Variants in MARCHF11 observed in about 807,000 individuals in gnomAD.
MARCHF11 encodes membrane associated ring-CH-type finger 11.
In MARCHF11, 29 loss-of-function variants were observed where a neutral mutation model predicts 37.3. That is an observed-to-expected ratio of 0.78 (90% CI 0.58 to 1.06). MARCHF11 has a LOEUF of 1.06. Among genes scored for constraint, MARCHF11 ranks in the 50% least tolerant of loss-of-function variants. The pLI is 0.00. For missense variants in MARCHF11, 482 were observed against 533.4 expected, an observed-to-expected ratio of 0.90 and a Z score of 0.95; for synonymous variants, 233 against 228.0, an observed-to-expected ratio of 1.02 and a Z score of -0.20.
intron 3 of MARCHF11, among the ~76,000 whole-genome samples, chr5:16,083,273 C>T (rs1736643021): frequency 6.6e-6 from 1 of 152,124 alleles, no homozygotes; most frequent in Non-Finnish European, 1.5e-5. Flanking sequence ...TGGCTCTCCA[C>T]AGGGAGACCA....
intron 2 of MARCHF11, among the ~76,000 whole-genome samples, chr5:16,166,667 T>A (rs1738174182): frequency 6.6e-6 from 1 of 152,042 alleles, no homozygotes. Flanking sequence ...ATCATTTATA[T>A]AGAAATGGTT....
chr5:16,116,033 T>C (rs1021053382), intron 2 of MARCHF11, among the ~76,000 whole-genome samples: 1 of 152,208 alleles, frequency 6.6e-6, no homozygotes, highest in South Asian at 2.1e-4. Flanking sequence ...AGCAGTGAGA[T>C]GGCAAACGTT....
intron 2 of MARCHF11, among the ~76,000 whole-genome samples, chr5:16,104,583 A>G (rs1024039575): frequency 2.6e-5 from 4 of 152,120 alleles, no homozygotes; most frequent in Admixed American, 1.3e-4. Flanking sequence ...TGTTATCTTC[A>G]ATCGTAAAAT....
intron 3 of MARCHF11, among the ~76,000 whole-genome samples, chr5:16,090,229 T>C (rs1727880642): frequency 6.6e-6 from 1 of 152,178 alleles, no homozygotes; most frequent in Non-Finnish European, 1.5e-5. Context: ...TGCTGCATGA[T>C]TGGCTTCCGT....
At chr5:16,090,476 A>G (rs1022205768) in intron 3 of MARCHF11, among the ~76,000 whole-genome samples, 1 of 152,146 alleles carries the variant, frequency 6.6e-6, no homozygotes, top group Admixed American at 6.5e-5. Context: ...TAAGACATCG[A>G]GATGTCTGTC....
At chr5:16,099,890 G>A (rs946579767) in intron 2 of MARCHF11, among the ~76,000 whole-genome samples, 3 of 152,118 alleles carry the variant, frequency 2.0e-5, no homozygotes, top group Non-Finnish European at 4.4e-5. Context: ...GCAGAGAGGT[G>A]GGTGGGAAGC....
At chr5:16,118,364 T>G (rs1237349425) in intron 2 of MARCHF11, among the ~76,000 whole-genome samples, 1 of 151,924 alleles carries the variant, frequency 6.6e-6, no homozygotes, top group Admixed American at 6.6e-5. Context: ...AAGGGGGAAG[T>G]AGAGAATCCA....
At chr5:16,156,343 A>G (rs1737977401) in intron 2 of MARCHF11, among the ~76,000 whole-genome samples, 1 of 151,920 alleles carries the variant, frequency 6.6e-6, no homozygotes, top group African/African-American at 2.4e-5. Context: ...ACTACTTTTC[A>G]TATCACAGAA....
intron 2 of MARCHF11, among the ~76,000 whole-genome samples, chr5:16,124,249 C>T (rs1201857585): frequency 6.6e-6 from 1 of 152,076 alleles, no homozygotes; most frequent in African/African-American, 2.4e-5. Context: ...TACCTAGAAC[C>T]TAAGGGTTCT....
At chr5:16,088,153 T>C (rs7736562) in intron 3 of MARCHF11, among the ~76,000 whole-genome samples, 45,154 of 151,892 alleles carry the variant, frequency 0.3, 7,963 homozygotes, top group East Asian at 0.58. Flanking sequence ...TGCTTGGCTA[T>C]TGCTTCCCCA....
Position 16,113,015 on chromosome 5 carries a change from C to T in MARCHF11, c.694-21934G>A, listed in dbSNP as rs1267563233. ...AATTACCCAGTCTCAGGTATGTCTT[C>T]ATCAGGAGTGTGAAAACAGACTAAT... is the stretch of plus-strand genomic sequence containing the variant. On this transcript the variant is annotated intron_variant, in intron 2 of 3. Transcript: ENST00000332432. Among the ~76,000 whole-genome samples, 7 of 152,112 alleles carry T rather than the reference C, an allele frequency of 4.6e-5. 1 individual carries two copies. Among genetic ancestry groups the T allele is most frequent in the Admixed American group, 4.6e-4 (7 of 15,284 alleles).
chr5:16,156,132 A>G (rs1221198926), intron 2 of MARCHF11, among the ~76,000 whole-genome samples: 2 of 151,964 alleles, frequency 1.3e-5, no homozygotes, highest in Non-Finnish European at 2.9e-5. Context: ...AATTCTTTGT[A>G]CTGAGTTCTG....
intron 2 of MARCHF11, among the ~76,000 whole-genome samples, chr5:16,157,544 A>G (rs1388408742): frequency 6.6e-6 from 1 of 151,632 alleles, no homozygotes; most frequent in African/African-American, 2.4e-5. Context: ...TACGTCCATG[A>G]TTAACTGGTT....
intron 3 of MARCHF11, among the ~76,000 whole-genome samples, chr5:16,086,271 G>T (rs989405025): frequency 6.6e-6 from 1 of 152,082 alleles, no homozygotes; most frequent in African/African-American, 2.4e-5. Flanking sequence ...TAAACCTAAT[G>T]AAAAAATCTG....
intron 2 of MARCHF11, among the ~76,000 whole-genome samples, chr5:16,138,909 A>T (rs1208303521): frequency 6.6e-6 from 1 of 152,190 alleles, no homozygotes; most frequent in Non-Finnish European, 1.5e-5. Flanking sequence ...CAATGCCTGT[A>T]GCCCCATTGT....
intron 2 of MARCHF11, among the ~76,000 whole-genome samples, chr5:16,143,370 T>C (rs148167278): frequency 8.4e-4 from 128 of 152,308 alleles, no homozygotes; most frequent in Non-Finnish European, 1.5e-3. Flanking sequence ...CCTCTAACAA[T>C]GCTAGATCTG....
chr5:16,133,290 TC>T (rs1454360987), intron 2 of MARCHF11, among the ~76,000 whole-genome samples: 1 of 152,142 alleles, frequency 6.6e-6, no homozygotes, highest in Non-Finnish European at 1.5e-5. Flanking sequence ...TTCTAAACCT[TC>T]CTTGGAACCC....
intron 2 of MARCHF11, among the ~76,000 whole-genome samples, chr5:16,176,338 A>G (rs760089431): frequency 6.6e-6 from 1 of 152,156 alleles, no homozygotes; most frequent in Non-Finnish European, 1.5e-5. Flanking sequence ...CTACTGATAA[A>G]ACTGTTGTAG....
chr5:16,163,547 C>T (rs189660147), intron 2 of MARCHF11, among the ~76,000 whole-genome samples: 35 of 152,066 alleles, frequency 2.3e-4, no homozygotes, highest in African/African-American at 8.4e-4. Context: ...ACCCTGTAAT[C>T]CAACTATATG....
Sources: allele counts gnomAD v4.1 joint callset (sites outside exome capture counted in the v4.1 genomes callset), GRCh38; gene constraint gnomAD v4.1.1; transcripts MANE v1.5; gene names NCBI Gene and HGNC (gene_info 2026-07-23, HGNC 2026-07-21).